The following SVIL variants were observed in gnomAD, a reference collection of about 807,000 sequenced individuals.
SVIL encodes the protein archvillin.
In SVIL, 101 loss-of-function variants were observed where a neutral mutation model predicts 240.4. That is an observed-to-expected ratio of 0.42 (90% CI 0.36 to 0.50). The LOEUF is 0.50. Among genes scored for constraint, SVIL ranks in the 20% least tolerant of loss-of-function variants. SVIL has a pLI of 0.01. For missense variants in SVIL, 2,512 were observed against 2,818.7 expected (o/e 0.89, Z 2.46); for synonymous variants, 999 against 1,100.0 (o/e 0.91, Z 1.82).
chr10:29,671,775 C>T (rs1371442461), intron 2 of SVIL, among the ~76,000 whole-genome samples: 2 of 152,196 alleles, frequency 1.3e-5, no homozygotes, highest in Non-Finnish European at 1.5e-5. Context: ...ATACACATGG[C>T]CACACAATGT....
intron 22 of SVIL, among the ~76,000 whole-genome samples, chr10:29,489,711 C>T (rs1227717957): frequency 1.3e-5 from 2 of 151,970 alleles, no homozygotes; most frequent in Non-Finnish European, 2.9e-5. Flanking sequence ...CCACACCTGG[C>T]TAATTTTTTC....
chr10:29,545,334 C>T (rs974944103), intron 6 of SVIL, among the ~76,000 whole-genome samples: 5 of 152,104 alleles, frequency 3.3e-5, no homozygotes, highest in Non-Finnish European at 7.4e-5. Context: ...CTGAGCCGAT[C>T]GGCGGCTCTC....
intron 1 of SVIL, among the ~76,000 whole-genome samples, chr10:29,729,318 T>C (rs1305066015): frequency 6.6e-6 from 1 of 152,062 alleles, no homozygotes; most frequent in Non-Finnish European, 1.5e-5. Flanking sequence ...AAGAATTTTG[T>C]AGCATCCCAA....
chr10:29,726,108 G>A (rs1038966318), intron 1 of SVIL, among the ~76,000 whole-genome samples: 6 of 151,934 alleles, frequency 3.9e-5, no homozygotes, highest in Admixed American at 3.9e-4. Flanking sequence ...TTTTTGTAGA[G>A]ATGGGGTCTT....
chr10:29,631,543 G>C (rs1036245038), intron 1 of SVIL, among the ~76,000 whole-genome samples: 1 of 151,724 alleles, frequency 6.6e-6, no homozygotes, highest in East Asian at 2.0e-4. Context: ...TTGGGAGGCC[G>C]AGGTGGGCAG....
At chr10:29,491,540 A>G (rs1214593338) in intron 21 of SVIL, among the ~76,000 whole-genome samples, 1 of 152,174 alleles carries the variant, frequency 6.6e-6, no homozygotes, top group Non-Finnish European at 1.5e-5. Flanking sequence ...CACTTAACGC[A>G]CTGCCTCCTC....
intron 3 of SVIL, among the ~76,000 whole-genome samples, chr10:29,648,757 T>G (rs1035050877): frequency 6.6e-6 from 1 of 151,270 alleles, no homozygotes; most frequent in Non-Finnish European, 1.5e-5. Flanking sequence ...AATTCTCCCA[T>G]GATTGGAAGT....
At chr10:29,648,449 G>A (rs1387230596) in intron 3 of SVIL, among the ~76,000 whole-genome samples, 6 of 152,138 alleles carry the variant, frequency 3.9e-5, no homozygotes, top group Non-Finnish European at 8.8e-5. Context: ...ATAAAATGAT[G>A]GGAAATGTTG....
In SVIL at chr10:29,550,514, A is replaced by ATAT. The variant is rs1953205839; in HGVS notation, c.827+82_827+83insATA. ...GCCTTGACTTCCACATAATGCTTAG[A>ATAT]ATAGCCAAACCCTATCACACAGAGA... On this transcript the variant is annotated intron_variant, in intron 6 of 37. Coordinates refer to ENST00000355867, the MANE Select transcript of SVIL (RefSeq NM_021738.3). 4.0e-5 allele frequency: 56 copies of ATAT among 1,406,640 alleles called. No homozygotes were observed. The South Asian group carries it at 8.0e-4, about 20-fold the overall frequency. The allele number at this position is 1,406,640 out of a possible 1,614,324, so 87.1% of individuals were successfully genotyped here.
chr10:29,518,160 G>T (rs1252448581), intron 16 of SVIL, among the ~76,000 whole-genome samples: 3 of 152,188 alleles, frequency 2.0e-5, no homozygotes, highest in African/African-American at 7.2e-5. Context: ...GGCCTAGACG[G>T]GTGGATCACT....
At chr10:29,487,988 A>G (rs10826643) in intron 23 of SVIL, among the ~76,000 whole-genome samples, 14,450 of 152,124 alleles carry the variant, frequency 0.095, 863 homozygotes, top group Non-Finnish European at 0.13. Context: ...CTTCATTCTC[A>G]TCTCAAGGAT....
At chr10:29,679,559 C>CTT (rs369701914) in intron 2 of SVIL, among the ~76,000 whole-genome samples, 37,387 of 140,606 alleles carry the variant, frequency 0.27, 5,144 homozygotes, top group East Asian at 0.36. Context: ...TTTTCTTTTC[C>CTT]TTTTTTTTTT....
chr10:29,590,274 C>T (rs1377611881), intron 1 of SVIL, among the ~76,000 whole-genome samples: 4 of 151,984 alleles, frequency 2.6e-5, no homozygotes, highest in East Asian at 1.9e-4. Flanking sequence ...CCTCCTGTCC[C>T]GTGGCTCCCC....
intron 2 of SVIL, among the ~76,000 whole-genome samples, chr10:29,658,384 T>C (rs1017260392): frequency 6.6e-6 from 1 of 152,256 alleles, no homozygotes; most frequent in African/African-American, 2.4e-5. Context: ...AGGACTAAAA[T>C]TGTATTATTT....
intron 16 of SVIL, among the ~76,000 whole-genome samples, chr10:29,516,003 T>C (rs777087879): frequency 2.4e-4 from 37 of 152,152 alleles, no homozygotes; most frequent in Non-Finnish European, 1.0e-4. Flanking sequence ...AAGAATTCCA[T>C]TGACTGAGGT....
Position 29,679,453 on chromosome 10 carries a change from G to A in SVIL, c.-301+7100C>T, listed in dbSNP as rs890233206. ...CAGATGGGACTTCTTCATCAAATAT[G>A]TTATTAGAAAAACAAAAACCTAAAA... is the stretch of plus-strand genomic sequence containing the variant. On this transcript the variant is annotated intron_variant, in intron 2 of 35. Transcript: ENST00000375400. Among the ~76,000 whole-genome samples the A allele has an allele frequency of 3.3e-5, 5 of 152,156 alleles. No individual in the cohort carries two copies. In the South Asian group the frequency reaches 1.0e-3, roughly 32 times the overall value.
chr10:29,612,996 T>G (rs987486471), intron 1 of SVIL, among the ~76,000 whole-genome samples: 2 of 151,900 alleles, frequency 1.3e-5, no homozygotes, highest in Non-Finnish European at 2.9e-5. Context: ...GCCAACATGG[T>G]GAAACCTGGT....
At chr10:29,718,876 G>A (rs562356585) in intron 1 of SVIL, among the ~76,000 whole-genome samples, 2 of 152,244 alleles carry the variant, frequency 1.3e-5, no homozygotes, top group Admixed American at 6.5e-5. Context: ...TTGGGAGGCC[G>A]AGGTGGGCAG....
chr10:29,673,664 C>T (rs533515337), intron 2 of SVIL, among the ~76,000 whole-genome samples: 26 of 152,054 alleles, frequency 1.7e-4, no homozygotes, highest in East Asian at 5.8e-4. Context: ...CTCACTATCG[C>T]GAGAACTCAC....
Sources: gnomAD v4.1 joint callset for allele counts (sites outside exome capture counted in the v4.1 genomes callset) on GRCh38, gnomAD v4.1.1 for gene constraint, MANE v1.5 for transcripts, NCBI Gene and HGNC (gene_info 2026-07-23, HGNC 2026-07-21) for gene names.